The following B4GALT4 variants were observed in gnomAD, a reference collection of about 807,000 sequenced individuals.
B4GALT4 encodes beta-1,4-galactosyltransferase 4.
In B4GALT4, 27 loss-of-function variants were observed where a neutral mutation model predicts 37.3. That is an observed-to-expected ratio of 0.72 (90% CI 0.53 to 1.00). B4GALT4 has a LOEUF of 1.00. Among genes scored for constraint, B4GALT4 ranks in the 50% least tolerant of loss-of-function variants. The probability of loss-of-function intolerance (pLI) is 0.00; values close to 1 mark genes in which losing one functional copy is unlikely to be tolerated. For missense variants in B4GALT4, 372 were observed against 413.1 expected, an observed-to-expected ratio of 0.90 and a Z score of 0.86; for synonymous variants, 148 against 154.1, an observed-to-expected ratio of 0.96 and a Z score of 0.29.
chr3:119,219,198 T>C (rs78154746), intron 5 of B4GALT4, among the ~76,000 whole-genome samples: 2,026 of 152,136 alleles, frequency 0.013, 45 homozygotes, highest in African/African-American at 0.046. Flanking sequence ...TATACCTTTC[T>C]TTTTTTTCAC....
chr3:119,226,703 G>T, intron 4 of B4GALT4, 106 bp downstream of exon 4: 2 of 918,692 alleles, frequency 2.2e-6, no homozygotes, highest in Admixed American at 2.6e-5. Context: ...CGTTTTTGAT[G>T]ATAGTCTGAT....
intron 7 of B4GALT4, chr3:119,213,213 G>A (rs935211662): frequency 6.6e-6 from 1 of 152,274 alleles, no homozygotes; most frequent in Non-Finnish European, 1.5e-5. Context: ...TCCACCAAGT[G>A]AAGAAGGTGA....
chr3:119,220,226 T>C (rs1057396661), intron 5 of B4GALT4, among the ~76,000 whole-genome samples: 1 of 152,222 alleles, frequency 6.6e-6, no homozygotes, highest in Non-Finnish European at 1.5e-5. Flanking sequence ...GACCAAGACA[T>C]CTACTAGCAG....
intron 1 of B4GALT4, among the ~76,000 whole-genome samples, 197 bp from the exon 2 acceptor site, chr3:119,237,267 G>A (rs1031002194): frequency 8.6e-6 from 1 of 115,822 alleles, no homozygotes; most frequent in African/African-American, 3.7e-5. Flanking sequence ...GCACCTCACC[G>A]TAAACCTTAA....
rs562749238 is a variant in B4GALT4 at position 119,227,148 on chromosome 3, T to C, written c.254-107A>G. 3.3e-6 allele frequency: 3 copies of C among 898,834 alleles called. No individual in the cohort carries two copies. The East Asian group carries it at 7.5e-5, about 22-fold the overall frequency. The allele number at this position is 898,834 out of a possible 1,614,324, so 55.7% of individuals were successfully genotyped here. Reference sequence around the variant, plus strand: ...AGAACACTGCCCAGCTCACAGTGAGTACTACAAATGTCAGCTTTTATTATG... The same window carrying C: ...AGAACACTGCCCAGCTCACAGTGAGCACTACAAATGTCAGCTTTTATTATG... On this transcript the variant is annotated intron_variant, in intron 3 of 7. Coordinates refer to ENST00000393765, the MANE Select transcript of B4GALT4 (RefSeq NM_003778.4).
rs1250480384 is a variant in B4GALT4 at position 119,226,972 on chromosome 3, A to C, written c.323T>G (p.Val108Gly). Residue 108 changes from valine to glycine, a missense_variant, in exon 4 of 8, where the codon GTG (valine) becomes GGG (glycine). Physicochemically the swap from Val to Gly is moderately radical, Grantham distance 109 (BLOSUM62 -3). Coordinates refer to ENST00000393765, the MANE Select transcript of B4GALT4 (RefSeq NM_003778.4). ...LEEVQAENPK[V>G]SRGRYRPQEC... ...CTGAGGGCGATACCGGCCTCTGGACACTTTGGGATTTTCTGCCTGTACCTC... is the reference window on the plus strand; with the variant it reads ...CTGAGGGCGATACCGGCCTCTGGACCCTTTGGGATTTTCTGCCTGTACCTC... 1 of 1,614,176 alleles carries C rather than the reference A, an allele frequency of 6.2e-7. No individual in the cohort carries two copies.
intron 4 of B4GALT4, among the ~76,000 whole-genome samples, chr3:119,225,375 G>C (rs1388273705): frequency 6.6e-6 from 1 of 152,000 alleles, no homozygotes; most frequent in Non-Finnish European, 1.5e-5. Context: ...ACACGAAGCA[G>C]ACATATTTTT....
chr3:119,238,777 GGAC>G (rs1276921315), intron 1 of B4GALT4, among the ~76,000 whole-genome samples: 2 of 152,120 alleles, frequency 1.3e-5, no homozygotes, highest in Non-Finnish European at 2.9e-5. Flanking sequence ...AGAATAAGGA[GGAC>G]GACTGTACAT....
chr3:119,214,734 C>A (rs1004098124), intron 7 of B4GALT4: 6 of 152,150 alleles, frequency 3.9e-5, no homozygotes, highest in African/African-American at 1.4e-4. Flanking sequence ...AGGGAAAGTA[C>A]TTTGTAGAAA....
intron 6 of B4GALT4, 105 bp downstream of exon 6, chr3:119,218,545 T>C: frequency 6.6e-7 from 1 of 1,511,494 alleles, no homozygotes; most frequent in Non-Finnish European, 9.0e-7. Context: ...ATCTGCAGCC[T>C]AGTGACCTGC....
intron 5 of B4GALT4, 21 bp downstream of exon 5, chr3:119,224,037 C>T: frequency 6.3e-7 from 1 of 1,593,122 alleles, no homozygotes. Context: ...ACCTAAGCCA[C>T]CCTCAGCAGA....
intron 5 of B4GALT4, among the ~76,000 whole-genome samples, chr3:119,223,717 G>A (rs1263452963): frequency 6.6e-6 from 1 of 152,130 alleles, no homozygotes; most frequent in Non-Finnish European, 1.5e-5. Flanking sequence ...GGGGGAGTCA[G>A]GAATAGACAA....
At chr3:119,239,325 C>A (rs201900398) in intron 1 of B4GALT4, among the ~76,000 whole-genome samples, 283 of 120,896 alleles carry the variant, frequency 2.3e-3, no homozygotes, top group African/African-American at 3.4e-3. Flanking sequence ...GATTCCATCT[C>A]AAAAAAAAAA....
In B4GALT4 at chr3:119,230,221, T is replaced by C. The variant is rs1361493191; in HGVS notation, c.-122A>G. 2 of 1,247,842 alleles carry C rather than the reference T, an allele frequency of 1.6e-6. No homozygotes were observed. The highest frequency in any genetic ancestry group is 3.0e-5 in the African/African-American group (2 of 65,736). 77.3% of individuals were successfully genotyped at this position (1,247,842 alleles called of 1,614,324 possible). A position where few individuals can be genotyped will look rare whatever the true frequency, so the allele number is the denominator to read the frequency against. On this transcript the variant is annotated 5_prime_UTR_variant, in exon 3 of 8. Coordinates refer to ENST00000393765, the MANE Select transcript of B4GALT4 (RefSeq NM_003778.4). The stretch of plus-strand genomic sequence containing the variant: ...AACTGAAGATACAATGCCTGGTTTT[T>C]CTCAGTAGTTCTGCTCCAACAGTCT...
At chr3:119,216,471 CAGTGTCACAA>C in intron 6 of B4GALT4, 127 bp from the exon 7 acceptor site, 3 of 462,368 alleles carry the variant, frequency 6.5e-6, no homozygotes, top group Non-Finnish European at 1.1e-5. Context: ...CACACACACA[CAGTGTCACAA>C]ACAGCTTGAT....
At chr3:119,230,352 G>A (rs896786462) in intron 2 of B4GALT4, 108 bp from the exon 3 acceptor site, 6 of 500,286 alleles carry the variant, frequency 1.2e-5, no homozygotes, top group Admixed American at 1.1e-4. Flanking sequence ...TTGACTAACC[G>A]TAATGGTAGG....
intron 7 of B4GALT4, chr3:119,215,483 G>A (rs935110562): frequency 2.6e-5 from 4 of 152,350 alleles, no homozygotes; most frequent in Admixed American, 1.3e-4. Flanking sequence ...GCTTGCAGGC[G>A]GCCTATTGTG....
intron 1 of B4GALT4, among the ~76,000 whole-genome samples, chr3:119,238,157 C>T (rs1425028284): frequency 6.6e-6 from 1 of 150,488 alleles, no homozygotes; most frequent in Non-Finnish European, 1.5e-5. Flanking sequence ...GTCCCAGCTA[C>T]TTGGGAGGCT....
chr3:119,235,540 G>T (rs1357931049), intron 2 of B4GALT4, among the ~76,000 whole-genome samples: 2 of 152,162 alleles, frequency 1.3e-5, no homozygotes, highest in African/African-American at 2.4e-5. Flanking sequence ...AAGAAAGACT[G>T]ATTATTTTGC....
Sources: allele counts gnomAD v4.1 joint callset (sites outside exome capture counted in the v4.1 genomes callset), GRCh38; gene constraint gnomAD v4.1.1; transcripts MANE v1.5; gene names NCBI Gene and HGNC (gene_info 2026-07-23, HGNC 2026-07-21).